CACNA1C: variants seen among roughly 807,000 people sequenced by gnomAD.
CACNA1C encodes calcium voltage-gated channel subunit alpha1 C.
CACNA1C carries 30 observed loss-of-function variants against 229.0 expected under a neutral mutation model. The ratio of observed to expected loss-of-function variants is 0.13; its 90% CI spans 0.10 to 0.18. The LOEUF is 0.18. Among genes scored for constraint, CACNA1C ranks in the 10% least tolerant of loss-of-function variants. The pLI, the probability that CACNA1C is intolerant of heterozygous loss-of-function variation, is 1.00. For missense variants in CACNA1C, 1,658 were observed against 2,845.0 expected (o/e 0.58, Z 9.49); for synonymous variants, 1,114 against 1,132.5 (o/e 0.98, Z 0.33).
intron 3 of CACNA1C, among the ~76,000 whole-genome samples, chr12:2,158,086 G>A (rs2095643470): frequency 6.6e-6 from 1 of 152,122 alleles, no homozygotes; most frequent in Admixed American, 6.5e-5. Flanking sequence ...CTGAATACTA[G>A]GAGTTCCAGA....
intron 1 of CACNA1C, among the ~76,000 whole-genome samples, chr12:1,980,705 T>G (rs1302389850): frequency 6.6e-6 from 1 of 151,114 alleles, no homozygotes; most frequent in Non-Finnish European, 1.5e-5. Flanking sequence ...AAGAGTTATT[T>G]ATTTCGTTGC....
chr12:2,369,403 CT>C (rs372810217), intron 3 of CACNA1C, among the ~76,000 whole-genome samples: 131 of 141,866 alleles, frequency 9.2e-4, no homozygotes, highest in Middle Eastern at 3.7e-3. Flanking sequence ...CTTTACATAC[CT>C]TTTTTTTTTT....
chr12:2,681,532 C>T (rs2097145195), intron 42 of CACNA1C, among the ~76,000 whole-genome samples: 1 of 152,182 alleles, frequency 6.6e-6, no homozygotes, highest in Admixed American at 6.5e-5. Context: ...CGTCCTGTGC[C>T]CGGTGGCCCC....
chr12:2,400,794 G>A (rs1191446083), intron 3 of CACNA1C, among the ~76,000 whole-genome samples: 1 of 152,194 alleles, frequency 6.6e-6, no homozygotes, highest in Non-Finnish European at 1.5e-5. Context: ...CACCTGGGCA[G>A]AGATGTACAC....
At chr12:2,538,235 C>T (rs1041934821) in intron 9 of CACNA1C, among the ~76,000 whole-genome samples, 3 of 152,132 alleles carry the variant, frequency 2.0e-5, no homozygotes, top group African/African-American at 7.2e-5. Flanking sequence ...TTAATAAGGC[C>T]ACTTTGTTTG....
At chr12:2,541,601 G>A (rs1182458514) in intron 9 of CACNA1C, among the ~76,000 whole-genome samples, 1 of 152,206 alleles carries the variant, frequency 6.6e-6, no homozygotes, top group East Asian at 1.9e-4. Flanking sequence ...TGCCTGGGAT[G>A]TCTGGGCCTG....
rs1413365829 is a variant in CACNA1C, at chr12:2,029,036, G to A, written c.139+57835G>A. Among the ~76,000 whole-genome samples the A allele has an allele frequency of 6.6e-6, 1 of 152,142 alleles. No homozygotes were observed. The highest frequency in any genetic ancestry group is 1.5e-5 in the Non-Finnish European group (1 of 68,030). Reference sequence around the variant, plus strand: ...AAAACCGTTCTCCCAGAGGTAGGAGGAGTAATAGGATCATAGACCATTTGG... The same window carrying A: ...AAAACCGTTCTCCCAGAGGTAGGAGAAGTAATAGGATCATAGACCATTTGG... On this transcript the variant is annotated intron_variant, in intron 1 of 46. Coordinates refer to the CACNA1C transcript ENST00000682462. This position sits in a 1 kb window ranked among gnomAD's most constrained non-coding sequence, Gnocchi z 4.9.
chr12:2,596,219 T>C (rs2068101112), intron 20 of CACNA1C: 2 of 453,886 alleles, frequency 4.4e-6, no homozygotes, highest in Admixed American at 4.1e-5. Flanking sequence ...CTCAGGCTGG[T>C]TTGATAATTG....
chr12:2,168,459 T>TTC (rs1381999400), intron 3 of CACNA1C, among the ~76,000 whole-genome samples: 7 of 152,206 alleles, frequency 4.6e-5, no homozygotes, highest in African/African-American at 1.7e-4. Flanking sequence ...CACAAGGCTG[T>TTC]TTTTTGCAGA....
At chr12:2,119,394 G>A (rs1596352364) in intron 2 of CACNA1C, among the ~76,000 whole-genome samples, 1 of 152,342 alleles carries the variant, frequency 6.6e-6, no homozygotes, top group South Asian at 2.1e-4. Context: ...GCATAGACGG[G>A]CCCTTCCTGG....
chr12:2,662,876 A>G (rs1385191710), intron 34 of CACNA1C, among the ~76,000 whole-genome samples: 1 of 152,252 alleles, frequency 6.6e-6, no homozygotes, highest in East Asian at 1.9e-4. Flanking sequence ...AAATATTTCA[A>G]TTAAGTAGGT....
Position 2,447,442 on chromosome 12 carries a change from C to T in CACNA1C, c.478-1534C>T, listed in dbSNP as rs186493356. 9.0e-4 allele frequency among the ~76,000 whole-genome samples: 137 copies of T among 152,286 alleles called. 1 individual carries two copies. The East Asian group carries it at 0.017, about 19-fold the overall frequency. On this transcript the variant is annotated intron_variant, in intron 3 of 46. Coordinates refer to ENST00000399655, the MANE Select transcript of CACNA1C (RefSeq NM_000719.7). ...TCCACACGTGAGCTGGTGGTTCTTCCGGGTACCTCAGAAACACCTGGAAAT... is the reference window on the plus strand; with the variant it reads ...TCCACACGTGAGCTGGTGGTTCTTCTGGGTACCTCAGAAACACCTGGAAAT...
chr12:2,687,815 AGG>A (rs1423753231), intron 45 of CACNA1C, among the ~76,000 whole-genome samples: 2 of 152,252 alleles, frequency 1.3e-5, no homozygotes, highest in African/African-American at 4.8e-5. Flanking sequence ...CTGGGATTAC[AGG>A]CATGAGCCAC....
At chr12:2,530,052 G>GT (rs2099837185) in intron 9 of CACNA1C, among the ~76,000 whole-genome samples, 1 of 152,238 alleles carries the variant, frequency 6.6e-6, no homozygotes, top group African/African-American at 2.4e-5. Context: ...GATTTATGGA[G>GT]TAAATGTTAT....
chr12:2,445,065 C>G (rs774756192), intron 3 of CACNA1C, among the ~76,000 whole-genome samples: 22 of 152,186 alleles, frequency 1.4e-4, no homozygotes, highest in Admixed American at 6.5e-5. Context: ...CTCACTCCAG[C>G]CAAATCAAAT....
chr12:2,099,727 C>G (rs2075602544), intron 1 of CACNA1C, among the ~76,000 whole-genome samples: 1 of 152,078 alleles, frequency 6.6e-6, no homozygotes, highest in Non-Finnish European at 1.5e-5. Context: ...GTGCCAGATT[C>G]TTGCCCAGCC....
intron 5 of CACNA1C, among the ~76,000 whole-genome samples, chr12:2,464,400 T>C (rs895141298): frequency 3.3e-5 from 5 of 152,174 alleles, no homozygotes; most frequent in African/African-American, 1.2e-4. Context: ...TAAGAGAACA[T>C]CTTTCTAGAG....
chr12:2,127,597 G>A (rs2090607401), intron 3 of CACNA1C, among the ~76,000 whole-genome samples: 2 of 152,258 alleles, frequency 1.3e-5, no homozygotes, highest in East Asian at 3.9e-4. Flanking sequence ...TGTGTAGTGG[G>A]GTGTGGAAGG....
chr12:2,682,536 C>T lies in CACNA1C; in HGVS notation c.5445-14C>T, dbSNP rs780954609. 1.2e-6 allele frequency: 2 copies of T among 1,610,338 alleles called. No homozygotes were observed. Among genetic ancestry groups the T allele is most frequent in the African/African-American group, 2.7e-5 (2 of 74,976 alleles). The stretch of plus-strand genomic sequence containing the variant: ...GGCAGTTTCTGATGTTTTTCTTCAT[C>T]TTGGATATTGTAGGTGCCACTCCCG... On this transcript the variant is annotated splice_polypyrimidine_tract_variant and intron_variant, in intron 42 of 46. Coordinates refer to ENST00000399655, the MANE Select transcript of CACNA1C (RefSeq NM_000719.7).
Sources: gnomAD v4.1 joint callset for allele counts (sites outside exome capture counted in the v4.1 genomes callset) on GRCh38, gnomAD v4.1.1 for gene constraint, Gnocchi (gnomAD v3.1) non-coding constraint, MANE v1.5 for transcripts, NCBI Gene and HGNC (gene_info 2026-07-23, HGNC 2026-07-21) for gene names.